Variants in SIRT1 observed in about 807,000 individuals in gnomAD.
SIRT1 encodes the protein NAD-dependent protein deacetylase sirtuin-1.
In SIRT1, 24 loss-of-function variants were observed where a neutral mutation model predicts 67.9. The observed-to-expected ratio is 0.35, with a 90% CI of 0.26 to 0.50. The LOEUF is 0.50. Ranked by LOEUF, SIRT1 falls within the 20% of genes least tolerant of loss-of-function variation. The probability of loss-of-function intolerance (pLI) is 0.98; values close to 1 mark genes in which losing one functional copy is unlikely to be tolerated. For synonymous variants in SIRT1, 378 were observed against 350.7 expected (o/e 1.08, Z -0.87); for missense variants, 873 against 937.2 (o/e 0.93, Z 0.89).
intron 4 of SIRT1, among the ~76,000 whole-genome samples, chr10:67,904,949 A>G (rs1237954318): frequency 6.6e-6 from 1 of 152,134 alleles, no homozygotes; most frequent in Non-Finnish European, 1.5e-5. Flanking sequence ...TGTCCCATAC[A>G]TCTTTGTGTT....
At chr10:67,909,853 G>A (rs1489817573) in intron 7 of SIRT1, among the ~76,000 whole-genome samples, 1 of 151,944 alleles carries the variant, frequency 6.6e-6, no homozygotes, top group African/African-American at 2.4e-5. Context: ...GGGATTACAG[G>A]CATGAGCCCC....
chr10:67,885,166 G>T lies in SIRT1; in HGVS notation c.430+15G>T, dbSNP rs1337614915. On this transcript the variant is annotated intron_variant, in intron 1 of 8. Coordinates refer to ENST00000212015, the MANE Select transcript of SIRT1 (RefSeq NM_012238.5). ...TGGGTACCGAGGTGCGCAGGGTGCG[G>T]GCGGCCGGAACTGCGCATCTCCTCC... The T allele has an allele frequency of 1.5e-6, 2 of 1,373,814 alleles. No individual in the cohort carries two copies. Among genetic ancestry groups the T allele is most frequent in the Non-Finnish European group, 1.9e-6 (2 of 1,055,860 alleles). 85.1% of individuals were successfully genotyped at this position (1,373,814 alleles called of 1,614,324 possible). A position where few individuals can be genotyped will look rare whatever the true frequency, so the allele number is the denominator to read the frequency against.
At chr10:67,906,016 GA>G in intron 4 of SIRT1, 1 of 599,968 alleles carries the variant, frequency 1.7e-6, no homozygotes, top group Non-Finnish European at 2.4e-6. Context: ...TACTTTGAAG[GA>G]AAAAGTAGAG....
intron 4 of SIRT1, among the ~76,000 whole-genome samples, chr10:67,905,563 ATTTT>A (rs1163466138): frequency 6.6e-6 from 1 of 151,678 alleles, no homozygotes; most frequent in South Asian, 2.1e-4. Context: ...TGCAGTGGGA[ATTTT>A]TTTTTAATTT....
intron 2 of SIRT1, 46 bp downstream of exon 2, chr10:67,887,579 T>C (rs1842504712): frequency 1.5e-6 from 2 of 1,326,604 alleles, no homozygotes; most frequent in African/African-American, 2.9e-5. Flanking sequence ...GTACGGTTTT[T>C]GGTTTGTTTG....
chr10:67,891,359 G>A (rs765636025), intron 3 of SIRT1, 43 bp from the exon 4 acceptor site: 2 of 1,587,634 alleles, frequency 1.3e-6, no homozygotes, highest in Non-Finnish European at 1.7e-6. Flanking sequence ...TTCCTATAAA[G>A]GTAGAAGATT....
In SIRT1 at chr10:67,909,173, T is replaced by G. The variant is rs117673115; in HGVS notation, c.1171-83T>G. 31 of 888,876 alleles carry G rather than the reference T, an allele frequency of 3.5e-5. 1 individual carries two copies. The highest frequency in any genetic ancestry group is 4.8e-5 in the Non-Finnish European group (28 of 585,472). 55.1% of individuals were successfully genotyped at this position (888,876 alleles called of 1,614,324 possible). On this transcript the variant is annotated intron_variant, in intron 6 of 8. Coordinates refer to ENST00000212015, the MANE Select transcript of SIRT1 (RefSeq NM_012238.5). ...TTTTTAATAATTCTGAAATGTATTC[T>G]TAGAGGTATGGAAATGTTGACTATT...
intron 4 of SIRT1, among the ~76,000 whole-genome samples, chr10:67,902,195 G>A (rs1250320413): frequency 1.3e-5 from 2 of 152,014 alleles, no homozygotes; most frequent in African/African-American, 2.4e-5. Context: ...CACCATGTTG[G>A]CCAGGCTGGT....
At chr10:67,898,816 A>G (rs1175352990) in intron 4 of SIRT1, among the ~76,000 whole-genome samples, 1 of 152,184 alleles carries the variant, frequency 6.6e-6, no homozygotes, top group Non-Finnish European at 1.5e-5. Flanking sequence ...AGCCTGAGTG[A>G]CAGAGCAAGA....
intron 4 of SIRT1, among the ~76,000 whole-genome samples, chr10:67,899,206 C>T (rs908313214): frequency 4.6e-5 from 7 of 151,844 alleles, no homozygotes; most frequent in East Asian, 1.9e-4. Context: ...GCCTGTAATC[C>T]GAGCACTTTG....
Position 67,884,829 on chromosome 10 carries a change from G to A in SIRT1, c.108G>A (p.Arg36=), listed in dbSNP as rs1842448685. 2 of 1,223,788 alleles carry A rather than the reference G, an allele frequency of 1.6e-6. No individual in the cohort carries two copies. Among genetic ancestry groups the A allele is most frequent in the Non-Finnish European group, 2.0e-6 (2 of 982,864 alleles). The allele number at this position is 1,223,788 out of a possible 1,614,324, so 75.8% of individuals were successfully genotyped here. A position where few individuals can be genotyped will look rare whatever the true frequency, so the allele number is the denominator to read the frequency against. The change falls in exon 1 of 9, where the codon AGG becomes AGA. Residue 36 remains arginine, a synonymous_variant. Coordinates refer to ENST00000212015, the MANE Select transcript of SIRT1 (RefSeq NM_012238.5). Reference sequence around the variant, plus strand: ...CCGCCGGGGAGCCGCTCCGCAAGAGGCCGCGGAGAGATGGTCCCGGCCTCG... The same window carrying A: ...CCGCCGGGGAGCCGCTCCGCAAGAGACCGCGGAGAGATGGTCCCGGCCTCG... ...SSPAGEPLRK[R]PRRDGPGLER...
At chr10:67,903,728 G>T (rs1242153794) in intron 4 of SIRT1, among the ~76,000 whole-genome samples, 1 of 152,138 alleles carries the variant, frequency 6.6e-6, no homozygotes, top group Non-Finnish European at 1.5e-5. Flanking sequence ...TGACCACGTT[G>T]GTTGCCTATG....
Position 67,885,128 on chromosome 10 carries a change from C to T in SIRT1, c.407C>T (p.Ala136Val), listed in dbSNP as rs775978922. ...GAGGGCGAGGAGGAGGAAGAGGCGG[C>T]GGCGGCGGCGATTGGGTACCGAGGT... ...DDEGEEEEEA[A>V]AAAIGYRDNL... Residue 136 changes from alanine to valine, a missense_variant, in exon 1 of 9, where the codon GCG becomes GTG. Ala to Val is a moderately conservative substitution (Grantham distance 64, BLOSUM62 0). Transcript: ENST00000212015. The T allele has an allele frequency of 5.6e-6, 8 of 1,433,836 alleles. No homozygotes were observed. The highest frequency in any genetic ancestry group is 1.8e-4 in the Middle Eastern group (1 of 5,500). The allele number at this position is 1,433,836 out of a possible 1,614,324, so 88.8% of individuals were successfully genotyped here.
At position 67,912,649 on chromosome 10, in the gene SIRT1, T is replaced by C. The variant is rs758498063; in HGVS notation, c.1533T>C (p.Thr511=). ...ACCCTGTAAAGCTTTCAGAAATTAC[T>C]GAAAAACCTCCACGAACACAAAAAG... The part of the protein sequence containing the change: ...CCNPVKLSEI[T]EKPPRTQKEL... The change falls in exon 8 of 9, where the codon ACT becomes ACC. Residue 511 remains threonine (T), a synonymous_variant. Transcript: ENST00000212015. 1 of 1,614,024 alleles carries C rather than the reference T, an allele frequency of 6.2e-7. No homozygotes were observed. Among genetic ancestry groups the C allele is most frequent in the Non-Finnish European group, 8.5e-7 (1 of 1,180,036 alleles).
At chr10:67,913,066 A>C (rs1842923441) in intron 8 of SIRT1, 35 bp downstream of exon 8, 1 of 1,557,472 alleles carries the variant, frequency 6.4e-7, no homozygotes, top group Non-Finnish European at 8.6e-7. Context: ...TGAAAGTATA[A>C]ATGTCATAAC....
At chr10:67,908,939 CTA>C (rs1479554388) in intron 6 of SIRT1, among the ~76,000 whole-genome samples, 1 of 151,922 alleles carries the variant, frequency 6.6e-6, no homozygotes, top group East Asian at 1.9e-4. Context: ...TGACAAATGT[CTA>C]TTTTTTTTTG....
At position 67,891,560 on chromosome 10, in the gene SIRT1, A is replaced by T; in HGVS notation, c.942+6A>T. On this transcript the variant is annotated splice_donor_region_variant and intron_variant, in intron 4 of 8. Transcript: ENST00000212015. ...CATTCTTCAAGTTTGCAAAGGTACT[A>T]TGAACTCTTCTGGTTGTTTCTTTGG... 6.2e-7 allele frequency: 1 copy of T among 1,613,752 alleles called. No individual in the cohort carries two copies. Among genetic ancestry groups the T allele is most frequent in the South Asian group, 1.1e-5 (1 of 91,036 alleles).
At chr10:67,894,558 C>T (rs995986351) in intron 4 of SIRT1, among the ~76,000 whole-genome samples, 2 of 152,018 alleles carry the variant, frequency 1.3e-5, no homozygotes, top group Non-Finnish European at 2.9e-5. Flanking sequence ...TATCAGAAGA[C>T]CAGCAAGTAA....
chr10:67,900,528 T>G (rs1339903853), intron 4 of SIRT1, among the ~76,000 whole-genome samples: 1 of 152,186 alleles, frequency 6.6e-6, no homozygotes, highest in Non-Finnish European at 1.5e-5. Flanking sequence ...CACTGCAGCC[T>G]CCAACTCTTG....
Sources: gnomAD v4.1 joint callset for allele counts (sites outside exome capture counted in the v4.1 genomes callset) on GRCh38, gnomAD v4.1.1 for gene constraint, MANE v1.5 for transcripts, NCBI Gene and HGNC (gene_info 2026-07-23, HGNC 2026-07-21) for gene names.